ZFHX3: variants seen among roughly 807,000 people sequenced by gnomAD.
ZFHX3 encodes zinc finger homeobox 3.
Under a neutral mutation model 279.1 loss-of-function variants are expected in ZFHX3, and 42 were observed. That is an observed-to-expected ratio of 0.15 (90% CI 0.12 to 0.19). ZFHX3 has a LOEUF of 0.19. Among genes scored for constraint, ZFHX3 ranks in the 10% least tolerant of loss-of-function variants. The pLI is 1.00. For synonymous variants in ZFHX3, 2,293 were observed against 1,957.8 expected, an observed-to-expected ratio of 1.17 and a Z score of -4.52; for missense variants, 4,981 against 4,754.0, an observed-to-expected ratio of 1.05 and a Z score of -1.40.
chr16:72,918,481 CT>C (rs1179951356), intron 3 of ZFHX3, among the ~76,000 whole-genome samples: 1 of 152,094 alleles, frequency 6.6e-6, no homozygotes, highest in African/African-American at 2.4e-5. Context: ...AACCAGTATC[CT>C]TTAAACACTT....
chr16:73,330,296 A>G (rs956788439), intron 3 of ZFHX3, among the ~76,000 whole-genome samples: 4 of 152,202 alleles, frequency 2.6e-5, no homozygotes, highest in Non-Finnish European at 5.9e-5. Flanking sequence ...TGGATTTCAT[A>G]ATTAATCTGG....
chr16:73,113,962 A>AT (rs1190178768), intron 7 of ZFHX3, among the ~76,000 whole-genome samples: 1 of 151,492 alleles, frequency 6.6e-6, no homozygotes, highest in Non-Finnish European at 1.5e-5. Flanking sequence ...TGCCCAGCTA[A>AT]TTTTTTTGTA....
At chr16:72,993,034 G>A (rs573307132) in intron 1 of ZFHX3, among the ~76,000 whole-genome samples, 1 of 152,344 alleles carries the variant, frequency 6.6e-6, no homozygotes, top group African/African-American at 2.4e-5. Context: ...CTACTCCCAG[G>A]CTGAGGCAGG....
chr16:72,889,668 A>C (rs1209043659), intron 4 of ZFHX3, 63 bp downstream of exon 4: 6 of 1,507,568 alleles, frequency 4.0e-6, no homozygotes, highest in Middle Eastern at 2.4e-4. Flanking sequence ...AGTCCTCTGG[A>C]GGTCTCAAGG....
At chr16:73,138,374 G>A (rs1384863511) in intron 6 of ZFHX3, among the ~76,000 whole-genome samples, 6 of 152,150 alleles carry the variant, frequency 3.9e-5, no homozygotes, top group African/African-American at 9.7e-5. Flanking sequence ...TTCAAGAGGA[G>A]ATGGAATCTA....
chr16:72,796,787 C>T lies in ZFHX3; in HGVS notation c.5895G>A (p.Gln1965=). Residue 1965 remains glutamine (Q), a synonymous_variant, in exon 9 of 10, where the codon CAG becomes CAA. Coordinates refer to ENST00000268489, the MANE Select transcript of ZFHX3 (RefSeq NM_006885.4). ...ELVIQYNENK[Q]KVQKKNGKTD... ...TCTTCCCATTCTTTTTCTGCACCTT[C>T]TGCTTGTTCTCATTATACTGGATGA... is the stretch of plus-strand genomic sequence containing the variant. 6.2e-7 allele frequency: 1 copy of T among 1,613,536 alleles called. No individual in the cohort carries two copies. The highest frequency in any genetic ancestry group is 2.2e-5 in the East Asian group (1 of 44,750).
intron 2 of ZFHX3, among the ~76,000 whole-genome samples, chr16:73,516,694 C>A (rs1042672801): frequency 1.3e-5 from 2 of 152,160 alleles, no homozygotes; most frequent in African/African-American, 4.8e-5. Context: ...CCTTCGTTCT[C>A]CATTGATTTT....
At chr16:73,245,347 G>A (rs535920372) in intron 5 of ZFHX3, among the ~76,000 whole-genome samples, 1 of 152,118 alleles carries the variant, frequency 6.6e-6, no homozygotes, top group African/African-American at 2.4e-5. Context: ...ATAGCTCACT[G>A]TAGCCTCAAA....
Position 73,427,406 on chromosome 16 carries a change from G to A in ZFHX3, c.-1291+28597C>T, listed in dbSNP as rs190383782. 8.1e-4 allele frequency among the ~76,000 whole-genome samples: 124 copies of A among 152,270 alleles called. 1 individual carries two copies. Among genetic ancestry groups the A allele is most frequent in the African/African-American group, 2.7e-3 (111 of 41,562 alleles). On this transcript the variant is annotated intron_variant, in intron 3 of 17. Transcript: ENST00000641206. ...TGCCTCTGGCTTTTGTCCTCACTGTGTGTGTATCGGCAGCCTGCCTGCCAC... is the reference window on the plus strand; with the variant it reads ...TGCCTCTGGCTTTTGTCCTCACTGTATGTGTATCGGCAGCCTGCCTGCCAC...
intron 5 of ZFHX3, among the ~76,000 whole-genome samples, chr16:73,197,090 T>C (rs1423391561): frequency 6.6e-6 from 1 of 152,154 alleles, no homozygotes; most frequent in East Asian, 1.9e-4. Flanking sequence ...ACCATCATGT[T>C]AAACAATCCC....
intron 1 of ZFHX3, among the ~76,000 whole-genome samples, chr16:73,040,123 C>A (rs1177194255): frequency 6.6e-6 from 1 of 152,168 alleles, no homozygotes; most frequent in African/African-American, 2.4e-5. Context: ...GAGTAGGCCT[C>A]TAACAGAGAG....
At chr16:73,362,693 G>A (rs114505359) in intron 3 of ZFHX3, among the ~76,000 whole-genome samples, 40 of 152,376 alleles carry the variant, frequency 2.6e-4, no homozygotes, top group African/African-American at 8.9e-4. Flanking sequence ...CCACCAGCCA[G>A]TGGCACTGTC....
chr16:73,875,687 G>C (rs1330062199), intron 1 of ZFHX3, among the ~76,000 whole-genome samples: 1 of 151,970 alleles, frequency 6.6e-6, no homozygotes, highest in Non-Finnish European at 1.5e-5. Flanking sequence ...TTATTCATTT[G>C]GTTTCTCCAA....
chr16:73,642,522 A>G (rs2052583083), intron 2 of ZFHX3, among the ~76,000 whole-genome samples: 1 of 152,202 alleles, frequency 6.6e-6, no homozygotes, highest in Non-Finnish European at 1.5e-5. Context: ...CATATATTCA[A>G]AGATAAACAG....
chr16:73,059,518 T>TC (rs1467068172), exon 1 of ZFHX3: 12 of 91,508 alleles, frequency 1.3e-4, no homozygotes, highest in African/African-American at 4.4e-4. Flanking sequence ...CTTATTATTT[T>TC]CCCCTTTCTC....
At chr16:72,953,197 G>A (rs1243588918) in intron 2 of ZFHX3, among the ~76,000 whole-genome samples, 1 of 151,956 alleles carries the variant, frequency 6.6e-6, no homozygotes, top group Non-Finnish European at 1.5e-5. Context: ...GAAGGCTTAG[G>A]AAGCTTTCGG....
chr16:73,838,104 G>A (rs1961192263), intron 1 of ZFHX3, among the ~76,000 whole-genome samples: 1 of 152,206 alleles, frequency 6.6e-6, no homozygotes. Context: ...CTAAGTGTTT[G>A]TCCCGTTAGA....
intron 1 of ZFHX3, among the ~76,000 whole-genome samples, chr16:72,990,735 C>T (rs1159972331): frequency 6.6e-6 from 1 of 152,142 alleles, no homozygotes; most frequent in African/African-American, 2.4e-5. Context: ...AATCCCAGTA[C>T]TCTGAGAGTC....
intron 5 of ZFHX3, among the ~76,000 whole-genome samples, chr16:73,175,252 T>G (rs71388958): frequency 0.23 from 34,424 of 151,670 alleles, 4,632 homozygotes; most frequent in Non-Finnish European, 0.32. Flanking sequence ...TAGTGGCTCA[T>G]GCCTGTAATC....
Sources: gnomAD v4.1 joint callset for allele counts (sites outside exome capture counted in the v4.1 genomes callset) on GRCh38, gnomAD v4.1.1 for gene constraint, MANE v1.5 for transcripts, NCBI Gene and HGNC (gene_info 2026-07-23, HGNC 2026-07-21) for gene names.